The following BCKDHB variants were observed in gnomAD, a reference collection of about 807,000 sequenced individuals.
The protein encoded by BCKDHB is 2-oxoisovalerate dehydrogenase subunit beta, mitochondrial.
Under a neutral mutation model 48.5 loss-of-function variants are expected in BCKDHB, and 41 were observed. The ratio of observed to expected loss-of-function variants is 0.85; its 90% CI spans 0.66 to 1.10. BCKDHB has a LOEUF of 1.10. BCKDHB is among the 50% of genes least tolerant of loss of function. BCKDHB has a pLI of 0.00. For missense variants in BCKDHB, 496 were observed against 494.2 expected (o/e 1.00, Z -0.03); for synonymous variants, 201 against 174.8 (o/e 1.15, Z -1.18).
chr6:80,278,959 T>G (rs1164098527), intron 9 of BCKDHB, among the ~76,000 whole-genome samples: 1 of 152,184 alleles, frequency 6.6e-6, no homozygotes, highest in Non-Finnish European at 1.5e-5. Flanking sequence ...TTGGTAGAGA[T>G]AAAACATTTG....
chr6:80,461,009 C>T, the BCKDHB span, among the ~76,000 whole-genome samples: 3 of 152,086 alleles, frequency 2.0e-5, no homozygotes, highest in African/African-American at 4.8e-5. Flanking sequence ...GAGATTTTGT[C>T]GTGATCTTGT....
the BCKDHB span, among the ~76,000 whole-genome samples, chr6:80,368,938 G>A: frequency 2.6e-5 from 4 of 151,048 alleles, no homozygotes; most frequent in African/African-American, 7.3e-5. Flanking sequence ...ATTTGAACCC[G>A]AAAGGCAGAG....
chr6:80,349,642 A>G (rs1320809223), downstream of BCKDHB, among the ~76,000 whole-genome samples: 1 of 152,232 alleles, frequency 6.6e-6, no homozygotes, highest in Non-Finnish European at 1.5e-5. Flanking sequence ...ATGAAAATGA[A>G]AACAAATATG....
Position 80,298,368 on chromosome 6 carries a change from C to A in BCKDHB, c.1038+25147C>A, listed in dbSNP as rs541084650. On this transcript the variant is annotated intron_variant, in intron 9 of 9. Coordinates refer to ENST00000320393, the MANE Select transcript of BCKDHB (RefSeq NM_183050.4). ...AAGTGATCCACTTGCCTCGGCCTCC[C>A]AAAATGCTGGGATTACAGGCATTAG... Among the ~76,000 whole-genome samples, 36 of 152,300 alleles carry A rather than the reference C, an allele frequency of 2.4e-4. No individual in the cohort carries two copies. The East Asian group carries it at 6.8e-3, about 29-fold the overall frequency.
chr6:80,276,897 C>T (rs374825880), intron 9 of BCKDHB, among the ~76,000 whole-genome samples: 6 of 151,848 alleles, frequency 4.0e-5, no homozygotes, highest in Non-Finnish European at 7.4e-5. Context: ...ATCTAATTTA[C>T]GAAGTGCTTT....
the BCKDHB span, among the ~76,000 whole-genome samples, chr6:80,410,148 A>G: frequency 6.6e-6 from 1 of 152,140 alleles, no homozygotes; most frequent in African/African-American, 2.4e-5. Flanking sequence ...CCTGGTGGTG[A>G]CAAAATCTCT....
the BCKDHB span, among the ~76,000 whole-genome samples, chr6:80,413,031 T>C: frequency 5.9e-5 from 9 of 152,312 alleles, no homozygotes; most frequent in African/African-American, 2.2e-4. Context: ...TTCATGCATC[T>C]GGATGTTCAT....
chr6:80,280,195 C>G (rs1411764687), intron 9 of BCKDHB, among the ~76,000 whole-genome samples: 1 of 152,098 alleles, frequency 6.6e-6, no homozygotes, highest in East Asian at 1.9e-4. Context: ...AAAGCCAGCT[C>G]ACATAGATGT....
At chr6:80,285,125 A>T (rs1766564439) in intron 9 of BCKDHB, among the ~76,000 whole-genome samples, 1 of 152,124 alleles carries the variant, frequency 6.6e-6, no homozygotes, top group Admixed American at 6.5e-5. Context: ...CACAAAATTT[A>T]TACTTTATTT....
chr6:80,301,980 G>T (rs759494809), intron 9 of BCKDHB, among the ~76,000 whole-genome samples: 3 of 152,018 alleles, frequency 2.0e-5, no homozygotes, highest in Non-Finnish European at 4.4e-5. Flanking sequence ...CAATAGGCTA[G>T]GCATTGAAGG....
At chr6:80,321,192 G>A (rs1341142704) in intron 9 of BCKDHB, among the ~76,000 whole-genome samples, 1 of 152,178 alleles carries the variant, frequency 6.6e-6, no homozygotes, top group Non-Finnish European at 1.5e-5. Flanking sequence ...GTGCTGAGAA[G>A]GATGCTATAA....
chr6:80,370,921 G>A, the BCKDHB span, among the ~76,000 whole-genome samples: 1 of 151,724 alleles, frequency 6.6e-6, no homozygotes, highest in African/African-American at 2.4e-5. Flanking sequence ...CCATATTTTT[G>A]CAATTGCAAA....
At chr6:80,210,135 CA>C (rs61476553) in intron 8 of BCKDHB, among the ~76,000 whole-genome samples, 3,548 of 112,950 alleles carry the variant, frequency 0.031, 46 homozygotes, top group Non-Finnish European at 0.035. Context: ...AAGAAATATA[CA>C]AAAAAAAAAA....
intron 8 of BCKDHB, among the ~76,000 whole-genome samples, chr6:80,234,828 T>TA (rs1776080153): frequency 1.8e-5 from 2 of 110,154 alleles, no homozygotes; most frequent in Admixed American, 1.1e-4. Flanking sequence ...AAGACAATGT[T>TA]TTATATATAT....
At chr6:80,291,467 A>G (rs748894716) in intron 9 of BCKDHB, among the ~76,000 whole-genome samples, 1 of 152,236 alleles carries the variant, frequency 6.6e-6, no homozygotes, top group Non-Finnish European at 1.5e-5. Context: ...TCCTGCACAA[A>G]GAGTACAACA....
chr6:80,312,356 T>A (rs1768209392), intron 9 of BCKDHB, among the ~76,000 whole-genome samples: 1 of 152,210 alleles, frequency 6.6e-6, no homozygotes, highest in Non-Finnish European at 1.5e-5. Context: ...AAATATAAGA[T>A]TATGTCATCT....
intron 8 of BCKDHB, among the ~76,000 whole-genome samples, chr6:80,230,250 G>A (rs1775867145): frequency 1.3e-5 from 2 of 151,388 alleles, no homozygotes; most frequent in African/African-American, 4.9e-5. Flanking sequence ...GTGTTAGCCA[G>A]GATGGTCTCG....
intron 3 of BCKDHB, among the ~76,000 whole-genome samples, chr6:80,156,490 GAAGT>G (rs1340200241): frequency 1.3e-5 from 2 of 152,122 alleles, no homozygotes; most frequent in African/African-American, 4.8e-5. Flanking sequence ...ACAATCATTA[GAAGT>G]AAGTGTATCA....
intron 8 of BCKDHB, among the ~76,000 whole-genome samples, chr6:80,235,803 A>T (rs558475910): frequency 6.6e-6 from 1 of 152,306 alleles, no homozygotes; most frequent in South Asian, 2.1e-4. Context: ...GAGTTTTATG[A>T]ACAGCAGATG....
Sources: gnomAD v4.1 joint callset for allele counts (sites outside exome capture counted in the v4.1 genomes callset) on GRCh38, gnomAD v4.1.1 for gene constraint, MANE v1.5 for transcripts, NCBI Gene and HGNC (gene_info 2026-07-23, HGNC 2026-07-21) for gene names.